The following KCNT1 variants were observed in gnomAD, a reference collection of about 807,000 sequenced individuals.
KCNT1 encodes the protein potassium sodium-activated channel subfamily T member 1.
A neutral mutation model predicts 147.8 loss-of-function variants in KCNT1; 78 were observed. The ratio of observed to expected loss-of-function variants is 0.53; its 90% CI spans 0.44 to 0.64. KCNT1 has a LOEUF of 0.64. KCNT1 is among the 30% of genes least tolerant of loss of function. KCNT1 has a pLI of 0.00. For missense variants in KCNT1, 1,419 were observed against 1,750.3 expected, an observed-to-expected ratio of 0.81 and a Z score of 3.38; for synonymous variants, 867 against 748.8, an observed-to-expected ratio of 1.16 and a Z score of -2.58.
chr9:135,760,628 C>T (rs369014510), intron 11 of KCNT1, among the ~76,000 whole-genome samples: 1 of 152,206 alleles, frequency 6.6e-6, no homozygotes, highest in Non-Finnish European at 1.5e-5. Context: ...CAGGCTCAGC[C>T]CCAGCTCCCT....
chr9:135,749,314 C>T (rs1831016310), intron 2 of KCNT1, among the ~76,000 whole-genome samples: 1 of 152,178 alleles, frequency 6.6e-6, no homozygotes, highest in South Asian at 2.1e-4. Context: ...CACCCCACCT[C>T]ACCCCACCTG....
At chr9:135,758,576 G>T in intron 10 of KCNT1, 68 bp downstream of exon 10, 2 of 1,283,884 alleles carry the variant, frequency 1.6e-6, no homozygotes, top group Non-Finnish European at 2.3e-6. Context: ...GCAGGGCCGG[G>T]CGAGGGGATA....
chr9:135,769,017 C>T lies in KCNT1; in HGVS notation c.1510+80C>T, dbSNP rs188246311. On this transcript the variant is annotated intron_variant, in intron 15 of 30. Transcript: ENST00000371757. ...CACGTGGGTGATGGTGCATCTGGGGCAGGGCGCATGTGCACATGTGTGACG... is the reference window on the plus strand; with the variant it reads ...CACGTGGGTGATGGTGCATCTGGGGTAGGGCGCATGTGCACATGTGTGACG... 7.1e-3 allele frequency: 7,849 copies of T among 1,101,056 alleles called. 67 individuals are homozygous for T. The highest frequency in any genetic ancestry group is 7.3e-3 in the Non-Finnish European group (5,503 of 758,964). The allele number at this position is 1,101,056 out of a possible 1,614,324, so 68.2% of individuals were successfully genotyped here. A position where few individuals can be genotyped will look rare whatever the true frequency, so the allele number is the denominator to read the frequency against.
chr9:135,715,158 C>T (rs1021799879), intron 2 of KCNT1, among the ~76,000 whole-genome samples: 1 of 152,238 alleles, frequency 6.6e-6, no homozygotes, highest in Non-Finnish European at 1.5e-5. Context: ...AATGAGGGAG[C>T]TTGTCCTTCA....
chr9:135,753,830 G>A (rs1482950255), intron 4 of KCNT1, 107 bp from the exon 5 acceptor site: 10 of 1,154,916 alleles, frequency 8.7e-6, no homozygotes, highest in African/African-American at 1.5e-5. Context: ...CCGGGTGGGT[G>A]AGTAGGAGGC....
At chr9:135,780,922 C>T (rs1027876572) in intron 24 of KCNT1, among the ~76,000 whole-genome samples, 3 of 152,180 alleles carry the variant, frequency 2.0e-5, no homozygotes, top group African/African-American at 7.2e-5. Flanking sequence ...CATCCTGGCG[C>T]GGCTCCTCCG....
intron 24 of KCNT1, among the ~76,000 whole-genome samples, chr9:135,782,295 T>G (rs1833667271): frequency 6.6e-6 from 1 of 152,162 alleles, no homozygotes; most frequent in Non-Finnish European, 1.5e-5. Context: ...TCCAGAAGGC[T>G]CTCAGAGCCC....
At chr9:135,788,241 A>G (rs1834222462) in intron 29 of KCNT1, 1 of 1,230,134 alleles carries the variant, frequency 8.1e-7, no homozygotes, top group East Asian at 2.3e-5. Context: ...TTGCTGCGCC[A>G]TCCCGGCCAG....
intron 24 of KCNT1, among the ~76,000 whole-genome samples, chr9:135,783,451 A>G (rs1421171357): frequency 6.6e-6 from 1 of 152,232 alleles, no homozygotes; most frequent in African/African-American, 2.4e-5. Context: ...GAGACACCTC[A>G]AACTCCCGAC....
chr9:135,721,667 C>T (rs1184440412), intron 2 of KCNT1, among the ~76,000 whole-genome samples: 1 of 152,234 alleles, frequency 6.6e-6, no homozygotes, highest in South Asian at 2.1e-4. Context: ...AGGAAAGGCC[C>T]GGGATGGTGT....
chr9:135,734,907 C>T (rs907099458), intron 2 of KCNT1, among the ~76,000 whole-genome samples: 3 of 152,168 alleles, frequency 2.0e-5, no homozygotes, highest in African/African-American at 7.2e-5. Flanking sequence ...CGGTGAAGGG[C>T]CCTGCAGGCG....
intron 2 of KCNT1, among the ~76,000 whole-genome samples, chr9:135,734,214 C>T (rs1830240986): frequency 1.3e-5 from 2 of 152,190 alleles, no homozygotes; most frequent in Admixed American, 6.5e-5. Flanking sequence ...CCTCTCCAGG[C>T]TCCATGGGAG....
chr9:135,770,134 C>G, intron 16 of KCNT1, 79 bp downstream of exon 16: 2 of 1,402,530 alleles, frequency 1.4e-6, no homozygotes, highest in Non-Finnish European at 1.9e-6. Flanking sequence ...TGCTTGGGGG[C>G]GGGGATGGGC....
chr9:135,705,274 G>A (rs758245053), intron 1 of KCNT1, among the ~76,000 whole-genome samples: 1 of 152,156 alleles, frequency 6.6e-6, no homozygotes. Flanking sequence ...AGGTGCCATC[G>A]GCCCTGGAAA....
At chr9:135,727,933 G>A (rs1314583171) in intron 2 of KCNT1, among the ~76,000 whole-genome samples, 1 of 152,258 alleles carries the variant, frequency 6.6e-6, no homozygotes, top group Non-Finnish European at 1.5e-5. Flanking sequence ...CAGTGGGGAG[G>A]CCATCCTGGC....
At chr9:135,768,356 GGGC>G in intron 13 of KCNT1, 1 of 237,660 alleles carries the variant, frequency 4.2e-6, no homozygotes, top group Non-Finnish European at 7.7e-6. Context: ...GGGGGGGGGG[GGGC>G]AGTATGGGGA....
chr9:135,779,324 C>T (rs763109834), intron 23 of KCNT1, 35 bp from the exon 24 acceptor site: 7 of 1,393,468 alleles, frequency 5.0e-6, no homozygotes, highest in East Asian at 2.3e-5. Context: ...CTACAACCAC[C>T]ATGGGCCCCG....
chr9:135,758,287 G>C lies in KCNT1; in HGVS notation c.760-127G>C. On this transcript the variant is annotated intron_variant, in intron 9 of 30. Transcript: ENST00000371757. ...GGTGTGGCCAGGTACAGGCTGCCCC[G>C]TGGGCCTCAGCCGAGACGCAGGTGT... The C allele has an allele frequency of 4.3e-6, 3 of 694,850 alleles. No homozygotes were observed. The South Asian group carries it at 4.9e-5, about 11-fold the overall frequency. 43.0% of individuals were successfully genotyped at this position (694,850 alleles called of 1,614,324 possible). A position where few individuals can be genotyped will look rare whatever the true frequency, so the allele number is the denominator to read the frequency against.
At chr9:135,736,693 C>A in intron 2 of KCNT1, 1 of 341,938 alleles carries the variant, frequency 2.9e-6, no homozygotes, top group South Asian at 1.4e-4. Flanking sequence ...GGGGGGCGCC[C>A]CAGCCGGCGC....
Sources: allele counts gnomAD v4.1 joint callset (sites outside exome capture counted in the v4.1 genomes callset), GRCh38; gene constraint gnomAD v4.1.1; transcripts MANE v1.5; gene names NCBI Gene and HGNC (gene_info 2026-07-23, HGNC 2026-07-21).